Variants in CEP83 observed in about 807,000 individuals in gnomAD.
CEP83 encodes the protein centrosomal protein 83, also known as centrosomal protein of 83 kDa.
CEP83 carries 70 observed loss-of-function variants against 101.9 expected under a neutral mutation model. The observed-to-expected ratio is 0.69, with a 90% CI of 0.57 to 0.84. CEP83 has a LOEUF of 0.84. Ranked by LOEUF, CEP83 falls within the 40% of genes least tolerant of loss-of-function variation. The pLI is 0.00. For missense variants in CEP83, 715 were observed against 787.2 expected (o/e 0.91, Z 1.10); for synonymous variants, 264 against 267.9 (o/e 0.99, Z 0.14).
At chr12:94,423,120 T>C (rs978404157) in intron 2 of CEP83, among the ~76,000 whole-genome samples, 2 of 152,100 alleles carry the variant, frequency 1.3e-5, no homozygotes, top group Non-Finnish European at 2.9e-5. Flanking sequence ...GTTTCACTCT[T>C]GTTGCCCAGG....
At chr12:94,288,774 G>C in the CEP83 span, among the ~76,000 whole-genome samples, 2 of 152,240 alleles carry the variant, frequency 1.3e-5, no homozygotes, top group African/African-American at 4.8e-5. Context: ...GACGGAGGGA[G>C]AGCAATATTG....
chr12:94,370,000 T>C lies in CEP83; in HGVS notation c.970A>G (p.Thr324Ala), dbSNP rs2061222376. The change falls in exon 9 of 17, where the codon ACA becomes GCA. Residue 324 changes from threonine (T) to alanine (A), a missense_variant. Physicochemically the swap from Thr to Ala is moderately conservative, Grantham distance 58. Coordinates refer to ENST00000397809, the MANE Select transcript of CEP83 (RefSeq NM_016122.3). ...CTTGCTGTCTCCAGTTTGATGTCTG[T>C]TATTTCCAGTTTGTTTGAATGTTTA... Reference protein sequence around the residue: ...ELKHSNKLEITDIKLETARAK... With the variant: ...ELKHSNKLEIADIKLETARAK... The C allele has an allele frequency of 1.2e-6, 2 of 1,609,564 alleles. No homozygotes were observed. The highest frequency in any genetic ancestry group is 1.7e-4 in the Middle Eastern group (1 of 6,040).
chr12:94,436,037 C>CTCCA (rs1594048863), intron 1 of CEP83, among the ~76,000 whole-genome samples: 2 of 151,908 alleles, frequency 1.3e-5, no homozygotes, highest in East Asian at 3.9e-4. Context: ...AAGGGGGTGA[C>CTCCA]TCCACATCAA....
At chr12:94,349,537 T>C (rs765223424) in intron 11 of CEP83, among the ~76,000 whole-genome samples, 2 of 152,146 alleles carry the variant, frequency 1.3e-5, no homozygotes, top group African/African-American at 2.4e-5. Flanking sequence ...TCATCTCAAC[T>C]GATGCAGAAA....
At chr12:94,418,822 C>A (rs1004267066) in intron 2 of CEP83, among the ~76,000 whole-genome samples, 1 of 152,022 alleles carries the variant, frequency 6.6e-6, no homozygotes, top group Admixed American at 6.6e-5. Context: ...ATTAATTTCA[C>A]CTCAATAAAA....
chr12:94,274,005 G>A, the CEP83 span, among the ~76,000 whole-genome samples: 3 of 151,840 alleles, frequency 2.0e-5, no homozygotes, highest in African/African-American at 4.8e-5. Flanking sequence ...CGCTCCAAGC[G>A]CTACTCCCCC....
At chr12:94,336,219 T>C (rs1455138455) in intron 11 of CEP83, among the ~76,000 whole-genome samples, 1 of 152,196 alleles carries the variant, frequency 6.6e-6, no homozygotes, top group Non-Finnish European at 1.5e-5. Flanking sequence ...GATGAATGAA[T>C]ACTTACACAT....
intron 5 of CEP83, among the ~76,000 whole-genome samples, chr12:94,401,467 T>C (rs1020069895): frequency 1.2e-4 from 19 of 152,186 alleles, no homozygotes; most frequent in African/African-American, 4.6e-4. Flanking sequence ...ACCTGAAGAA[T>C]ACGTGCAGCA....
intron 2 of CEP83, among the ~76,000 whole-genome samples, chr12:94,431,768 A>G (rs576795653): frequency 3.3e-5 from 5 of 152,322 alleles, no homozygotes; most frequent in African/African-American, 9.6e-5. Context: ...AATGGCTACT[A>G]TAAAAAAATA....
In CEP83 at chr12:94,367,819, T is replaced by C; in HGVS notation, c.1318A>G (p.Thr440Ala). 6.2e-7 allele frequency: 1 copy of C among 1,612,520 alleles called. No individual in the cohort carries two copies. ...LRASQMAEEI[T>A]RKELQSVRLK... The stretch of plus-strand genomic sequence containing the variant: ...CTAACACTCTGAAGCTCCTTCCTGG[T>C]GATCTCTTCTGCCATCTGTGAAGCC... Residue 440 changes from threonine (T) to alanine (A), a missense_variant, in exon 11 of 17, where the codon ACC becomes GCC. Thr to Ala is a moderately conservative substitution (Grantham distance 58). Coordinates refer to ENST00000397809, the MANE Select transcript of CEP83 (RefSeq NM_016122.3).
the CEP83 span, among the ~76,000 whole-genome samples, chr12:94,274,196 A>G: frequency 1.4e-5 from 2 of 146,474 alleles, no homozygotes; most frequent in Admixed American, 1.4e-4. Flanking sequence ...AATTTAGCCA[A>G]GCATGGCAGT....
intron 1 of CEP83, among the ~76,000 whole-genome samples, chr12:94,437,943 AC>A (rs2066115628): frequency 6.6e-6 from 1 of 152,196 alleles, no homozygotes; most frequent in East Asian, 1.9e-4. Context: ...AGAGGCCAGC[AC>A]AGTGGCTCAC....
At chr12:94,405,937 A>C (rs1566109524) in intron 4 of CEP83, among the ~76,000 whole-genome samples, 1 of 152,198 alleles carries the variant, frequency 6.6e-6, no homozygotes, top group Admixed American at 6.5e-5. Context: ...ACATGTGTGC[A>C]AGGAAACTAC....
downstream of CEP83, among the ~76,000 whole-genome samples, chr12:94,301,883 C>T (rs1428459906): frequency 1.3e-5 from 2 of 152,180 alleles, no homozygotes; most frequent in Non-Finnish European, 2.9e-5. Context: ...CCTCTTCCTT[C>T]CAACCTCTAT....
the CEP83 span, among the ~76,000 whole-genome samples, chr12:94,265,935 A>G: frequency 6.6e-6 from 1 of 152,216 alleles, no homozygotes; most frequent in African/African-American, 2.4e-5. Context: ...CAAGCAGGGA[A>G]GGTAACTTTA....
rs200232390 is a variant in CEP83, at chr12:94,331,747, T to A, written c.1660A>T (p.Asn554Tyr). 2.1e-4 allele frequency: 333 copies of A among 1,613,966 alleles called. No homozygotes were observed. Among genetic ancestry groups the A allele is most frequent in the Non-Finnish European group, 2.6e-4 (308 of 1,179,952 alleles). The part of the protein sequence containing the change: ...ERITDREEKY[N>Y]QAKEKLQRAA... Reference sequence around the variant, plus strand: ...CGCTGCAGTTTCTCCTTAGCTTGATTGTACTTTTCTTCTCTGTCTGTGATA... The same window carrying A: ...CGCTGCAGTTTCTCCTTAGCTTGATAGTACTTTTCTTCTCTGTCTGTGATA... Residue 554 changes from asparagine to tyrosine, a missense_variant, in exon 14 of 17, where the codon AAT becomes TAT. Coordinates refer to ENST00000397809, the MANE Select transcript of CEP83 (RefSeq NM_016122.3).
At chr12:94,421,803 T>C (rs1448079059) in intron 2 of CEP83, among the ~76,000 whole-genome samples, 2 of 152,220 alleles carry the variant, frequency 1.3e-5, no homozygotes, top group Admixed American at 1.3e-4. Context: ...TACAACATGT[T>C]ACTGTACTAA....
chr12:94,328,209 T>C, intron 14 of CEP83: 1 of 249,026 alleles, frequency 4.0e-6, no homozygotes, highest in Non-Finnish European at 8.2e-6. Flanking sequence ...ACTCACTGTG[T>C]TCACTTCAAG....
In CEP83 at chr12:94,400,918, C is replaced by G; in HGVS notation, c.481G>C (p.Glu161Gln). The G allele has an allele frequency of 6.6e-7, 1 of 1,515,904 alleles. No homozygotes were observed. The highest frequency in any genetic ancestry group is 8.9e-7 in the Non-Finnish European group (1 of 1,129,100). The allele number at this position is 1,515,904 out of a possible 1,614,324, so 93.9% of individuals were successfully genotyped here. ...LRYEHTFLKS[E>Q]FEHQKEEYAR... is the part of the protein sequence containing the mutation. ...TACTCTTCCTTCTGGTGTTCAAATTCTGACTTGAGAAATGTATGTTCATAG... is the reference window on the plus strand; with the variant it reads ...TACTCTTCCTTCTGGTGTTCAAATTGTGACTTGAGAAATGTATGTTCATAG... The change falls in exon 6 of 17, where the codon GAA (glutamate) becomes CAA (glutamine). Residue 161 changes from glutamate to glutamine, a missense_variant. Coordinates refer to ENST00000397809, the MANE Select transcript of CEP83 (RefSeq NM_016122.3).
Sources: allele counts gnomAD v4.1 joint callset (sites outside exome capture counted in the v4.1 genomes callset), GRCh38; gene constraint gnomAD v4.1.1; transcripts MANE v1.5; gene names NCBI Gene and HGNC (gene_info 2026-07-23, HGNC 2026-07-21).